ADGRL2: variants seen among roughly 807,000 people sequenced by gnomAD.
The protein encoded by ADGRL2 is calcium-independent alpha-latrotoxin receptor 2.
A neutral mutation model predicts 157.4 loss-of-function variants in ADGRL2; 44 were observed. That is an observed-to-expected ratio of 0.28 (90% CI 0.22 to 0.36). The LOEUF (loss-of-function observed/expected upper bound fraction) is 0.36. Ranked by LOEUF, ADGRL2 falls within the 10% of genes least tolerant of loss-of-function variation. ADGRL2 has a pLI of 1.00. For missense variants in ADGRL2, 1,510 were observed against 1,768.9 expected (o/e 0.85, Z 2.63); for synonymous variants, 585 against 624.7 (o/e 0.94, Z 0.95).
upstream of ADGRL2, among the ~76,000 whole-genome samples, chr1:81,696,028 C>A (rs1329677790): frequency 6.6e-6 from 1 of 152,036 alleles, no homozygotes; most frequent in Middle Eastern, 3.2e-3. Context: ...GTGCTGCTTA[C>A]CAGACCACAC....
chr1:81,657,214 G>T (rs879407753), intron 3 of ADGRL2, among the ~76,000 whole-genome samples: 8 of 152,082 alleles, frequency 5.3e-5, no homozygotes, highest in Non-Finnish European at 1.0e-4. Flanking sequence ...GCTTTGGAGA[G>T]TCAATTAAGT....
chr1:81,823,686 AG>A lies in ADGRL2; in HGVS notation c.-100-13198del. 1.3e-5 allele frequency among the ~76,000 whole-genome samples: 2 copies of A among 152,216 alleles called. 1 individual carries two copies. Among genetic ancestry groups the A allele is most frequent in the South Asian group, 4.1e-4 (2 of 4,824 alleles). The stretch of plus-strand genomic sequence containing the variant: ...ATGTGTGGTGGAGGTTTAGGGAACC[AG>A]TCAGTTAGACAGTCAAGTGATGGAC... On this transcript the variant is annotated intron_variant, in intron 1 of 23. Coordinates refer to ENST00000686636, the MANE Select transcript of ADGRL2 (RefSeq NM_001366006.2).
intron 1 of ADGRL2, among the ~76,000 whole-genome samples, chr1:81,426,212 AG>A (rs1402693819): frequency 6.6e-6 from 1 of 152,168 alleles, no homozygotes; most frequent in African/African-American, 2.4e-5. Flanking sequence ...AACTTAGCAA[AG>A]GGGGTTTGCT....
intron 1 of ADGRL2, among the ~76,000 whole-genome samples, chr1:81,741,091 T>C (rs778099448): frequency 2.7e-5 from 4 of 149,940 alleles, no homozygotes; most frequent in African/African-American, 7.4e-5. Context: ...AGGCTAATCA[T>C]AGGTGAAGAT....
At position 81,394,822 on chromosome 1, in the gene ADGRL2, C is replaced by T. The variant is rs564842373; in HGVS notation, c.-301-50214C>T. Among the ~76,000 whole-genome samples the T allele has an allele frequency of 3.9e-5, 6 of 152,140 alleles. No individual in the cohort carries two copies. In the South Asian group the frequency reaches 1.0e-3, roughly 26 times the overall value. On this transcript the variant is annotated intron_variant, in intron 1 of 24. Coordinates refer to the ADGRL2 transcript ENST00000370721. ...ATAATGGCTACACCATATAAGAGTT[C>T]TCCTTTCTCTACATTCTTTCCATTC...
chr1:81,722,006 G>GA, intron 1 of ADGRL2: 1 of 502,830 alleles, frequency 2.0e-6, no homozygotes, highest in South Asian at 1.7e-5. Flanking sequence ...AAAATGCAGA[G>GA]ATAGGACCAG....
At chr1:81,335,985 A>T (rs1368700241) in intron 1 of ADGRL2, among the ~76,000 whole-genome samples, 1 of 152,186 alleles carries the variant, frequency 6.6e-6, no homozygotes, top group Non-Finnish European at 1.5e-5. Flanking sequence ...ATTTCCTAAC[A>T]CTTCCTTCTC....
At chr1:81,685,900 T>C (rs1053767763) in intron 3 of ADGRL2, among the ~76,000 whole-genome samples, 2 of 149,992 alleles carry the variant, frequency 1.3e-5, no homozygotes, top group South Asian at 4.1e-4. Flanking sequence ...GATCATGTGA[T>C]TTTTTGTTTT....
chr1:81,865,457 G>A (rs2093513430), intron 2 of ADGRL2, among the ~76,000 whole-genome samples: 1 of 152,190 alleles, frequency 6.6e-6, no homozygotes, highest in South Asian at 2.1e-4. Context: ...AGATGTTTAA[G>A]TTTTTTAAAA....
intron 1 of ADGRL2, among the ~76,000 whole-genome samples, chr1:81,334,794 A>AGTCAGT (rs1661517629): frequency 6.6e-6 from 1 of 152,226 alleles, no homozygotes; most frequent in Non-Finnish European, 1.5e-5. Flanking sequence ...ATTGATTATC[A>AGTCAGT]GTCAGTACCT....
At chr1:81,338,957 A>G (rs1052791730) in intron 1 of ADGRL2, among the ~76,000 whole-genome samples, 3 of 152,100 alleles carry the variant, frequency 2.0e-5, no homozygotes, top group Non-Finnish European at 4.4e-5. Context: ...TTACACTATT[A>G]TTATTGCCTG....
At chr1:81,746,003 A>G (rs1031869151) in intron 1 of ADGRL2, among the ~76,000 whole-genome samples, 1 of 151,688 alleles carries the variant, frequency 6.6e-6, no homozygotes, top group African/African-American at 2.4e-5. Flanking sequence ...ATGGATTCAG[A>G]TACTGCTTGA....
intron 2 of ADGRL2, among the ~76,000 whole-genome samples, chr1:81,895,062 G>A (rs1285700789): frequency 6.6e-6 from 1 of 152,134 alleles, no homozygotes; most frequent in Non-Finnish European, 1.5e-5. Context: ...AATATATATG[G>A]GGATATAGTG....
intron 1 of ADGRL2, among the ~76,000 whole-genome samples, chr1:81,714,486 G>A (rs1172779531): frequency 6.6e-6 from 1 of 152,054 alleles, no homozygotes; most frequent in Non-Finnish European, 1.5e-5. Flanking sequence ...CAGGGAGAAG[G>A]CATATATGTA....
chr1:81,347,014 C>A (rs995594734), intron 1 of ADGRL2, among the ~76,000 whole-genome samples: 1 of 152,024 alleles, frequency 6.6e-6, no homozygotes, highest in Non-Finnish European at 1.5e-5. Flanking sequence ...ATTGAGGGCT[C>A]AAAGGAAATA....
rs571555572 is a variant in ADGRL2 at position 81,942,009 on chromosome 1, T to G, written c.398-25T>G. 2.7e-5 allele frequency: 21 copies of G among 768,934 alleles called. No individual in the cohort carries two copies. The South Asian group carries it at 2.9e-4, about 11-fold the overall frequency. 47.6% of individuals were successfully genotyped at this position (768,934 alleles called of 1,614,324 possible). On this transcript the variant is annotated intron_variant, in intron 4 of 23. Transcript: ENST00000686636. ...TTTTTTCCTTGCACCTTTTTTATTT[T>G]TCTTCCTGATGCTTAAAATAGAAGT...
At chr1:81,569,623 C>T (rs1282625760) in intron 2 of ADGRL2, among the ~76,000 whole-genome samples, 1 of 152,098 alleles carries the variant, frequency 6.6e-6, no homozygotes, top group East Asian at 1.9e-4. Flanking sequence ...GCCTAGTCAA[C>T]CTAATGAGAC....
At chr1:81,318,343 A>T (rs182813776) in intron 1 of ADGRL2, among the ~76,000 whole-genome samples, 2 of 152,104 alleles carry the variant, frequency 1.3e-5, no homozygotes, top group African/African-American at 4.8e-5. Flanking sequence ...TGATAATATT[A>T]CTCCCCTTTG....
Position 81,502,669 on chromosome 1 carries a change from T to C in ADGRL2, c.-248+57580T>C. 1.9e-6 allele frequency: 3 copies of C among 1,613,788 alleles called. No individual in the cohort carries two copies. The South Asian group carries it at 3.3e-5, about 18-fold the overall frequency. On this transcript the variant is annotated intron_variant, in intron 2 of 24. Coordinates refer to the ADGRL2 transcript ENST00000370721. The stretch of plus-strand genomic sequence containing the variant: ...CCTTCACCCTCAGCTCAGGACGCAG[T>C]ACATGAAGTATCTGTATGCCTATGA...
Sources: gnomAD v4.1 joint callset for allele counts (sites outside exome capture counted in the v4.1 genomes callset) on GRCh38, gnomAD v4.1.1 for gene constraint, MANE v1.5 for transcripts, NCBI Gene and HGNC (gene_info 2026-07-23, HGNC 2026-07-21) for gene names.